EDIL3: variants seen among roughly 807,000 people sequenced by gnomAD.
The protein encoded by EDIL3 is EGF-like repeat and discoidin I-like domain-containing protein 3.
Under a neutral mutation model 67.4 loss-of-function variants are expected in EDIL3, and 37 were observed. The ratio of observed to expected loss-of-function variants is 0.55; its 90% CI spans 0.42 to 0.72. EDIL3 has a LOEUF of 0.72. EDIL3 is among the 30% of genes least tolerant of loss of function. The pLI, the probability that EDIL3 is intolerant of heterozygous loss-of-function variation, is 0.00. For synonymous variants in EDIL3, 195 were observed against 196.3 expected, an observed-to-expected ratio of 0.99 and a Z score of 0.05; for missense variants, 527 against 586.3, an observed-to-expected ratio of 0.90 and a Z score of 1.04.
At chr5:84,095,765 C>T (rs536129302) in intron 6 of EDIL3, among the ~76,000 whole-genome samples, 1 of 152,294 alleles carries the variant, frequency 6.6e-6, no homozygotes, top group Admixed American at 6.5e-5. Context: ...TTCAAGCCAG[C>T]TGCAGAAATT....
chr5:84,240,287 C>A (rs934156083), intron 2 of EDIL3, among the ~76,000 whole-genome samples: 2 of 151,982 alleles, frequency 1.3e-5, no homozygotes, highest in Non-Finnish European at 2.9e-5. Context: ...CAGATAAGAG[C>A]TTTGTGTTCT....
intron 5 of EDIL3, among the ~76,000 whole-genome samples, chr5:84,127,045 A>C (rs1747881078): frequency 6.6e-6 from 1 of 152,012 alleles, no homozygotes; most frequent in African/African-American, 2.4e-5. Context: ...TATAAAGCAA[A>C]TTTTCTTTTG....
chr5:84,226,510 AT>A (rs1244404124), intron 3 of EDIL3, among the ~76,000 whole-genome samples: 4 of 151,786 alleles, frequency 2.6e-5, no homozygotes, highest in African/African-American at 9.7e-5. Flanking sequence ...AATTATTCGT[AT>A]TCCTTATGAA....
rs1185784650 is a variant in EDIL3, at chr5:84,269,987, T to C, written c.68-15775A>G. On this transcript the variant is annotated intron_variant, in intron 1 of 10. Transcript: ENST00000296591. ...CTTTGTTAAATGAAAAAGCAGTGTATGCTCTATGATCTCTCTCTAAAGTTG... is the reference window on the plus strand; with the variant it reads ...CTTTGTTAAATGAAAAAGCAGTGTACGCTCTATGATCTCTCTCTAAAGTTG... Among the ~76,000 whole-genome samples, 3 of 152,324 alleles carry C rather than the reference T, an allele frequency of 2.0e-5. No individual in the cohort carries two copies. The East Asian group carries it at 5.8e-4, about 29-fold the overall frequency.
In EDIL3 at chr5:84,224,372, T is replaced by C. The variant is rs375105691; in HGVS notation, c.226+5483A>G. ...GAGGAAATTGTGAGAATAAACTTGA[T>C]TTGCTACACCTTATAGTTAAATTAT... On this transcript the variant is annotated intron_variant, in intron 3 of 10. Transcript: ENST00000296591. Among the ~76,000 whole-genome samples the C allele has an allele frequency of 1.8e-3, 266 of 151,724 alleles. 1 individual carries two copies. Among genetic ancestry groups the C allele is most frequent in the African/African-American group, 6.2e-3 (259 of 41,544 alleles).
chr5:84,034,987 T>C (rs1745993791), intron 9 of EDIL3, among the ~76,000 whole-genome samples: 1 of 152,190 alleles, frequency 6.6e-6, no homozygotes, highest in South Asian at 2.1e-4. Context: ...TTATCTTAAA[T>C]AAATTTTTCT....
intron 5 of EDIL3, among the ~76,000 whole-genome samples, chr5:84,136,855 C>T (rs1748101313): frequency 6.6e-6 from 1 of 151,948 alleles, no homozygotes; most frequent in Non-Finnish European, 1.5e-5. Context: ...TGAATTTACT[C>T]TCAGAACCAA....
At chr5:84,089,298 T>C (rs1370132951) in intron 6 of EDIL3, among the ~76,000 whole-genome samples, 1 of 152,226 alleles carries the variant, frequency 6.6e-6, no homozygotes, top group Admixed American at 6.5e-5. Context: ...CTATACACCC[T>C]TATCAGGATT....
intron 1 of EDIL3, among the ~76,000 whole-genome samples, chr5:84,271,288 C>T (rs2112096510): frequency 6.6e-6 from 1 of 152,112 alleles, no homozygotes; most frequent in East Asian, 1.9e-4. Flanking sequence ...GTGGTGGGCG[C>T]CTGTAGTCCC....
intron 6 of EDIL3, among the ~76,000 whole-genome samples, chr5:84,067,477 T>A (rs529695956): frequency 6.6e-6 from 1 of 152,306 alleles, no homozygotes; most frequent in South Asian, 2.1e-4. Flanking sequence ...ATGATGTCTA[T>A]AAAATCTTTT....
chr5:84,310,111 G>C (rs1746354378), intron 1 of EDIL3, among the ~76,000 whole-genome samples: 3 of 152,070 alleles, frequency 2.0e-5, no homozygotes, highest in African/African-American at 7.2e-5. Flanking sequence ...TTCTGACAAA[G>C]CTACCACACA....
chr5:84,286,240 C>T (rs1254700697), intron 1 of EDIL3, among the ~76,000 whole-genome samples: 1 of 152,152 alleles, frequency 6.6e-6, no homozygotes, highest in East Asian at 1.9e-4. Flanking sequence ...TCACAAAAAC[C>T]AATGTGTGCT....
intron 9 of EDIL3, among the ~76,000 whole-genome samples, chr5:84,026,235 A>G (rs763654293): frequency 1.1e-4 from 16 of 152,188 alleles, no homozygotes; most frequent in Non-Finnish European, 1.8e-4. Flanking sequence ...ACTGTTGGAG[A>G]ATATAAGATT....
chr5:84,111,876 C>T (rs1283991833), intron 5 of EDIL3, among the ~76,000 whole-genome samples: 1 of 151,970 alleles, frequency 6.6e-6, no homozygotes, highest in Admixed American at 6.6e-5. Flanking sequence ...TTGGTGAATG[C>T]AGAAGATTCA....
At chr5:84,210,415 T>A (rs1009713582) in intron 3 of EDIL3, among the ~76,000 whole-genome samples, 1 of 152,116 alleles carries the variant, frequency 6.6e-6, no homozygotes, top group African/African-American at 2.4e-5. Flanking sequence ...AAATCTAGAA[T>A]TAAAGTTGGA....
rs1745085075 is a variant in EDIL3 at position 84,254,206 on chromosome 5, A to G, written c.74T>C (p.Ile25Thr). 1 of 1,610,804 alleles carries G rather than the reference A, an allele frequency of 6.2e-7. No individual in the cohort carries two copies. The highest frequency in any genetic ancestry group is 1.1e-5 in the South Asian group (1 of 90,236). The part of the protein sequence containing the change: ...LGVPQFGKGD[I>T]CDPNPCENGG... The stretch of plus-strand genomic sequence containing the variant: ...ATTTTCACATGGATTGGGATCACAA[A>G]TATCACCTAAGGCATAAAAAAAAAC... The change falls in exon 2 of 11, where the codon ATT becomes ACT. Residue 25 changes from isoleucine (I) to threonine (T), a missense_variant. Transcript: ENST00000296591.
intron 2 of EDIL3, among the ~76,000 whole-genome samples, chr5:84,237,220 G>C (rs565524678): frequency 1.3e-5 from 2 of 152,010 alleles, no homozygotes; most frequent in Admixed American, 6.6e-5. Flanking sequence ...CTGGACAAAT[G>C]AGCTAATCTA....
At chr5:84,290,524 A>C (rs898563734) in intron 1 of EDIL3, among the ~76,000 whole-genome samples, 6 of 152,186 alleles carry the variant, frequency 3.9e-5, no homozygotes, top group African/African-American at 7.2e-5. Context: ...CATTTCAAAA[A>C]TAGCAGGAAA....
chr5:83,952,914 T>C (rs755233183), intron 10 of EDIL3, among the ~76,000 whole-genome samples: 11 of 151,712 alleles, frequency 7.3e-5, no homozygotes, highest in Non-Finnish European at 1.6e-4. Flanking sequence ...AACACAGAAG[T>C]GATTTAAGCA....
Sources: gnomAD v4.1 joint callset for allele counts (sites outside exome capture counted in the v4.1 genomes callset) on GRCh38, gnomAD v4.1.1 for gene constraint, MANE v1.5 for transcripts, NCBI Gene and HGNC (gene_info 2026-07-23, HGNC 2026-07-21) for gene names.